WNT8B: variants seen among roughly 807,000 people sequenced by gnomAD.
WNT8B encodes the protein Wnt family member 8B, also known as protein Wnt-8b.
Under a neutral mutation model 36.6 loss-of-function variants are expected in WNT8B, and 24 were observed. The observed-to-expected ratio is 0.66, with a 90% CI of 0.48 to 0.92. WNT8B has a LOEUF of 0.92. Among genes scored for constraint, WNT8B ranks in the 40% least tolerant of loss-of-function variants. The pLI is 0.00. For synonymous variants in WNT8B, 199 were observed against 189.8 expected, an observed-to-expected ratio of 1.05 and a Z score of -0.40; for missense variants, 402 against 470.8, an observed-to-expected ratio of 0.85 and a Z score of 1.35.
chr10:100,483,051 CT>C lies in WNT8B; in HGVS notation c.*238del. 1 of 471,546 alleles carries C rather than the reference CT, an allele frequency of 2.1e-6. No homozygotes were observed. Among genetic ancestry groups the C allele is most frequent in the East Asian group, 3.4e-5 (1 of 29,680 alleles). 29.2% of individuals were successfully genotyped at this position (471,546 alleles called of 1,614,324 possible). On this transcript the variant is annotated 3_prime_UTR_variant, in exon 6 of 6. Transcript: ENST00000343737. ...CCACACCTAGGTCTGAGAACTCAGGCTTTGAGTTACTGATCTTCCTTGGATT... is the reference window on the plus strand; with the variant it reads ...CCACACCTAGGTCTGAGAACTCAGGCTTGAGTTACTGATCTTCCTTGGATT...
At chr10:100,480,603 A>C (rs575854601) in intron 3 of WNT8B, among the ~76,000 whole-genome samples, 1 of 152,298 alleles carries the variant, frequency 6.6e-6, no homozygotes, top group African/African-American at 2.4e-5. Flanking sequence ...GTGTGTCAAC[A>C]GTACCCTAGC....
intron 3 of WNT8B, 148 bp from the exon 4 acceptor site, chr10:100,480,850 A>G: frequency 9.8e-7 from 1 of 1,021,454 alleles, no homozygotes; most frequent in South Asian, 1.8e-5. Context: ...CAAAAAAATA[A>G]AAGTTAAAAA....
chr10:100,482,814 T>C lies in WNT8B; in HGVS notation c.1054T>C (p.Ter352GlnextTer73). 1 of 1,548,272 alleles carries C rather than the reference T, an allele frequency of 6.5e-7. No individual in the cohort carries two copies. The change falls in exon 6 of 6, where the codon TAA (stop) becomes CAA (glutamine). Residue 352 changes from the stop codon to glutamine (Q), a stop_lost. Transcript: ENST00000343737. The surrounding 1 kb of genome is among the most constrained non-coding windows in gnomAD (Gnocchi z 6.6). Reference protein sequence around the residue: ...GAAHKPGRKP* With the variant: ...GAAHKPGRKPQ ...TGCGCACAAACCCGGGAGAAAACCC[T>C]AAGGGTTTCCTCTGCCCCCTCCTTT...
intron 1 of WNT8B, among the ~76,000 whole-genome samples, chr10:100,470,979 G>A (rs1850970807): frequency 6.6e-6 from 1 of 152,124 alleles, no homozygotes; most frequent in African/African-American, 2.4e-5. Flanking sequence ...CCAACCTCAG[G>A]TGATCTGCCT....
At chr10:100,479,428 A>C (rs1851081405) in intron 2 of WNT8B, among the ~76,000 whole-genome samples, 1 of 152,208 alleles carries the variant, frequency 6.6e-6, no homozygotes, top group Admixed American at 6.5e-5. Flanking sequence ...CTGGAATTGT[A>C]CTACATGATC....
intron 1 of WNT8B, among the ~76,000 whole-genome samples, chr10:100,468,649 A>T (rs1270488969): frequency 6.6e-6 from 1 of 152,252 alleles, no homozygotes; most frequent in Non-Finnish European, 1.5e-5. Flanking sequence ...CAATACATAA[A>T]GAAGGAAAGA....
chr10:100,483,045 CT>C lies in WNT8B; in HGVS notation c.*230del. On this transcript the variant is annotated 3_prime_UTR_variant, in exon 6 of 6. Coordinates refer to ENST00000343737, the MANE Select transcript of WNT8B (RefSeq NM_003393.4). ...TCGCAGCCACACCTAGGTCTGAGAA[CT>C]CAGGCTTTGAGTTACTGATCTTCCT... The C allele has an allele frequency of 2.0e-6, 1 of 488,586 alleles. No individual in the cohort carries two copies. Among genetic ancestry groups the C allele is most frequent in the Non-Finnish European group, 3.5e-6 (1 of 285,332 alleles). 30.3% of individuals were successfully genotyped at this position (488,586 alleles called of 1,614,324 possible). A position where few individuals can be genotyped will look rare whatever the true frequency, so the allele number is the denominator to read the frequency against.
At chr10:100,478,823 T>A (rs1554840109) in intron 1 of WNT8B, among the ~76,000 whole-genome samples, 1 of 152,168 alleles carries the variant, frequency 6.6e-6, no homozygotes, top group South Asian at 2.1e-4. Flanking sequence ...CCTCAAGTGA[T>A]CCACCTGCTT....
intron 1 of WNT8B, among the ~76,000 whole-genome samples, chr10:100,478,569 A>G (rs10883501): frequency 0.21 from 32,269 of 150,760 alleles, 3,485 homozygotes; most frequent in South Asian, 0.23. Context: ...ACTAAGTTTT[A>G]TGTGTGTGTG....
intron 1 of WNT8B, among the ~76,000 whole-genome samples, chr10:100,470,529 C>T (rs1850964774): frequency 6.6e-6 from 1 of 152,064 alleles, no homozygotes. Context: ...CCATGCCCAG[C>T]TGATGACTCA....
intron 1 of WNT8B, among the ~76,000 whole-genome samples, chr10:100,471,058 T>C (rs1475880062): frequency 6.6e-6 from 1 of 152,220 alleles, no homozygotes; most frequent in African/African-American, 2.4e-5. Flanking sequence ...TTTGTTTAGA[T>C]ACACAAATGC....
At chr10:100,466,466 A>C (rs1850908172) in intron 1 of WNT8B, among the ~76,000 whole-genome samples, 1 of 152,122 alleles carries the variant, frequency 6.6e-6, no homozygotes, top group African/African-American at 2.4e-5. Flanking sequence ...TTCTCTTGTC[A>C]TGAAAGACAA....
At chr10:100,480,208 A>C (rs988947783) in intron 3 of WNT8B, among the ~76,000 whole-genome samples, 196 bp downstream of exon 3, 2 of 151,362 alleles carry the variant, frequency 1.3e-5, no homozygotes, top group African/African-American at 2.4e-5. Flanking sequence ...CTTTCTCAAC[A>C]CTCTCATTGC....
rs766458704 is a variant in WNT8B, at chr10:100,482,785, G to T, written c.1025G>T (p.Gly342Val). ...AGCCGCGCAGAGCGGCCGCGGGGGG[G>T]CGCTGCGCACAAACCCGGGAGAAAA... Reference protein sequence around the residue: ...FCSRAERPRGGAAHKPGRKP With the variant: ...FCSRAERPRGVAAHKPGRKP The change falls in exon 6 of 6, where the codon GGC becomes GTC. Residue 342 changes from glycine (G) to valine (V), a missense_variant. Coordinates refer to ENST00000343737, the MANE Select transcript of WNT8B (RefSeq NM_003393.4). This position sits in a 1 kb window ranked among gnomAD's most constrained non-coding sequence, Gnocchi z 6.6. The T allele has an allele frequency of 6.3e-7, 1 of 1,586,044 alleles. No individual in the cohort carries two copies. The highest frequency in any genetic ancestry group is 2.3e-5 in the East Asian group (1 of 44,150).
At position 100,482,211 on chromosome 10, in the gene WNT8B, G is replaced by T; in HGVS notation, c.511-60G>T. 2 of 1,536,756 alleles carry T rather than the reference G, an allele frequency of 1.3e-6. No homozygotes were observed. On this transcript the variant is annotated intron_variant, in intron 5 of 5. Transcript: ENST00000343737. This position sits in a 1 kb window ranked among gnomAD's most constrained non-coding sequence, Gnocchi z 6.6. Reference sequence around the variant, plus strand: ...ACTAGACTTCTCGCAACTCCCACAGGGGCAGTTAAACTCGCCACGCGCTTA... The same window carrying T: ...ACTAGACTTCTCGCAACTCCCACAGTGGCAGTTAAACTCGCCACGCGCTTA...
Position 100,480,021 on chromosome 10 carries a change from A to G in WNT8B, c.241+9A>G, listed in dbSNP as rs776584569. On this transcript the variant is annotated intron_variant, in intron 3 of 5. Transcript: ENST00000343737. ...TGGTGGGCTTCGCAGTGGTAAGAAA[A>G]ACCTCAGCCACAGCTCCCTGGACCC... 7.9e-5 allele frequency: 127 copies of G among 1,612,244 alleles called. No homozygotes were observed. Among genetic ancestry groups the G allele is most frequent in the Non-Finnish European group, 1.0e-4 (122 of 1,179,676 alleles).
At chr10:100,479,805 G>A in intron 2 of WNT8B, 69 bp from the exon 3 acceptor site, 1 of 1,569,536 alleles carries the variant, frequency 6.4e-7, no homozygotes, top group Non-Finnish European at 8.7e-7. Flanking sequence ...CAGGAAGAGG[G>A]CTGTTTGGTC....
intron 1 of WNT8B, among the ~76,000 whole-genome samples, chr10:100,464,217 G>A (rs901311350): frequency 9.2e-5 from 14 of 152,126 alleles, no homozygotes; most frequent in Admixed American, 5.2e-4. Flanking sequence ...GAGTGTAGCC[G>A]TCTTTATAGG....
At chr10:100,481,874 C>CAT in intron 4 of WNT8B, 38 bp from the exon 5 acceptor site, 1 of 1,612,442 alleles carries the variant, frequency 6.2e-7, no homozygotes, top group African/African-American at 1.3e-5. Flanking sequence ...TCTGCGCCCG[C>CAT]TTGCTCAATG....
Sources: gnomAD v4.1 joint callset for allele counts (sites outside exome capture counted in the v4.1 genomes callset) on GRCh38, gnomAD v4.1.1 for gene constraint, Gnocchi (gnomAD v3.1) non-coding constraint, MANE v1.5 for transcripts, NCBI Gene and HGNC (gene_info 2026-07-23, HGNC 2026-07-21) for gene names.